CACNA1E: variants seen among roughly 807,000 people sequenced by gnomAD.
The protein encoded by CACNA1E is calcium voltage-gated channel subunit alpha1 E.
Under a neutral mutation model 259.2 loss-of-function variants are expected in CACNA1E, and 40 were observed. The observed-to-expected ratio is 0.15, with a 90% CI of 0.12 to 0.20. The LOEUF (loss-of-function observed/expected upper bound fraction) is 0.20, where lower values mean the gene tolerates loss of function less well. Ranked by LOEUF, CACNA1E falls within the 10% of genes least tolerant of loss-of-function variation. CACNA1E has a pLI of 1.00. For missense variants in CACNA1E, 1,874 were observed against 3,040.1 expected (o/e 0.62, Z 9.02); for synonymous variants, 1,104 against 1,138.5 (o/e 0.97, Z 0.61).
intron 25 of CACNA1E, among the ~76,000 whole-genome samples, chr1:181,746,038 A>G (rs1288092157): frequency 3.3e-5 from 5 of 152,242 alleles, no homozygotes; most frequent in Non-Finnish European, 5.9e-5. Context: ...CACTTAGCAT[A>G]GAGCTAGTGC....
chr1:181,733,591 C>A lies in CACNA1E; in HGVS notation c.3103C>A (p.Leu1035Met), dbSNP rs776704547. The change falls in exon 21 of 48, where the codon CTG becomes ATG. Residue 1035 changes from leucine to methionine, a missense_variant. Physicochemically the swap from Leu to Met is conservative, Grantham distance 15. Coordinates refer to ENST00000367573, the MANE Select transcript of CACNA1E (RefSeq NM_001205293.3). ...AGAAGGCAGCAGTGAGCAGGCCCTG[C>A]TGGGGAATGTGCAGCTAGACATGGG... Reference protein sequence around the residue: ...EPEGSSEQALLGNVQLDMGRV... With the variant: ...EPEGSSEQALMGNVQLDMGRV... 5 of 1,612,932 alleles carry A rather than the reference C, an allele frequency of 3.1e-6. No individual in the cohort carries two copies. In the East Asian group the frequency reaches 1.1e-4, roughly 36 times the overall value.
At chr1:181,571,414 G>A (rs1185683308) in intron 3 of CACNA1E, among the ~76,000 whole-genome samples, 2 of 152,178 alleles carry the variant, frequency 1.3e-5, no homozygotes, top group African/African-American at 2.4e-5. Flanking sequence ...CAAGGGAGAA[G>A]CATTCCAGGT....
chr1:181,710,406 C>A (rs1007319042), intron 7 of CACNA1E, among the ~76,000 whole-genome samples: 3 of 152,082 alleles, frequency 2.0e-5, no homozygotes, highest in Non-Finnish European at 4.4e-5. Flanking sequence ...GGTTCAAATC[C>A]CAGCAAGGCA....
At chr1:181,369,549 C>T (rs980623378) in intron 1 of CACNA1E, among the ~76,000 whole-genome samples, 3 of 152,208 alleles carry the variant, frequency 2.0e-5, no homozygotes, top group Admixed American at 6.5e-5. Context: ...AAGGTGGGGA[C>T]CGCATACCAG....
intron 2 of CACNA1E, among the ~76,000 whole-genome samples, chr1:181,437,679 G>C (rs1301056192): frequency 6.6e-6 from 1 of 152,128 alleles, no homozygotes; most frequent in Admixed American, 6.5e-5. Flanking sequence ...TGCTGTTCTA[G>C]TTTTCCTATT....
At chr1:181,598,936 T>C (rs1306424654) in intron 6 of CACNA1E, among the ~76,000 whole-genome samples, 1 of 152,202 alleles carries the variant, frequency 6.6e-6, no homozygotes, top group African/African-American at 2.4e-5. Flanking sequence ...TGCCATTTTT[T>C]TTTTTTTAAA....
chr1:181,646,814 T>C (rs540266293), intron 6 of CACNA1E, among the ~76,000 whole-genome samples: 5 of 152,314 alleles, frequency 3.3e-5, no homozygotes, highest in East Asian at 1.9e-4. Context: ...ATAATTACCA[T>C]GTGTGCCTGT....
chr1:181,590,492 A>G (rs1652539663), intron 6 of CACNA1E, among the ~76,000 whole-genome samples: 1 of 150,838 alleles, frequency 6.6e-6, no homozygotes, highest in Admixed American at 6.6e-5. Context: ...AATATCTTTG[A>G]TGTTTTGGGA....
chr1:181,670,673 G>A (rs1346172552), intron 7 of CACNA1E, among the ~76,000 whole-genome samples: 1 of 152,140 alleles, frequency 6.6e-6, no homozygotes, highest in Non-Finnish European at 1.5e-5. Context: ...GGCTGAAGCT[G>A]ACCAGACCAA....
chr1:181,590,670 C>A (rs991665051), intron 6 of CACNA1E, among the ~76,000 whole-genome samples: 1 of 152,050 alleles, frequency 6.6e-6, no homozygotes, highest in Non-Finnish European at 1.5e-5. Context: ...CTTCCTCACC[C>A]CAGGAGCTGG....
At chr1:181,789,090 AG>A (rs1661082370) in intron 43 of CACNA1E, among the ~76,000 whole-genome samples, 2 of 152,180 alleles carry the variant, frequency 1.3e-5, no homozygotes, top group African/African-American at 4.8e-5. Context: ...CAGATTCCTG[AG>A]CTCAAGCTAT....
At chr1:181,545,209 G>A (rs1164726454) in intron 3 of CACNA1E, among the ~76,000 whole-genome samples, 1 of 152,198 alleles carries the variant, frequency 6.6e-6, no homozygotes, top group Non-Finnish European at 1.5e-5. Flanking sequence ...AAAACAGGTT[G>A]GGTGGAGCCT....
chr1:181,722,269 A>C (rs1654480254), intron 16 of CACNA1E, among the ~76,000 whole-genome samples: 1 of 152,224 alleles, frequency 6.6e-6, no homozygotes, highest in African/African-American at 2.4e-5. Flanking sequence ...GTAAGATCCC[A>C]AAAAATTAGT....
At chr1:181,652,777 C>A (rs1440950771) in intron 7 of CACNA1E, among the ~76,000 whole-genome samples, 2 of 152,130 alleles carry the variant, frequency 1.3e-5, no homozygotes, top group Non-Finnish European at 2.9e-5. Flanking sequence ...CAACTCCCAT[C>A]CTAGCAAAAG....
At chr1:181,508,073 A>G (rs1422445090) in intron 1 of CACNA1E, among the ~76,000 whole-genome samples, 2 of 152,072 alleles carry the variant, frequency 1.3e-5, no homozygotes, top group Non-Finnish European at 2.9e-5. Flanking sequence ...AACACCGTTC[A>G]AAAGAGATGC....
At chr1:181,673,136 G>A (rs1648976037) in intron 7 of CACNA1E, among the ~76,000 whole-genome samples, 2 of 152,174 alleles carry the variant, frequency 1.3e-5, no homozygotes, top group South Asian at 4.1e-4. Flanking sequence ...CATGTAGAAC[G>A]TACCTCAGCC....
chr1:181,656,905 T>C (rs971128248), intron 7 of CACNA1E, among the ~76,000 whole-genome samples: 12 of 152,216 alleles, frequency 7.9e-5, no homozygotes, highest in Admixed American at 1.3e-4. Flanking sequence ...CTAGGAGCAA[T>C]AGGTTACAGC....
intron 1 of CACNA1E, among the ~76,000 whole-genome samples, chr1:181,347,356 A>C (rs1274579654): frequency 6.6e-6 from 1 of 152,234 alleles, no homozygotes; most frequent in Non-Finnish European, 1.5e-5. Context: ...TGGAAGAATC[A>C]AAATCTGTCT....
chr1:181,685,625 T>C lies in CACNA1E; in HGVS notation c.1056-25329T>C, dbSNP rs112355907. Among the ~76,000 whole-genome samples, 141 of 152,304 alleles carry C rather than the reference T, an allele frequency of 9.3e-4. 1 individual carries two copies. Among genetic ancestry groups the C allele is most frequent in the African/African-American group, 3.3e-3 (139 of 41,548 alleles). On this transcript the variant is annotated intron_variant, in intron 7 of 47. Coordinates refer to ENST00000367573, the MANE Select transcript of CACNA1E (RefSeq NM_001205293.3). ...TCTTAAACCCATTTCTGGAAGATGT[T>C]CTCAGTCCTGGTCTCACCTATTCAA...
Sources: allele counts gnomAD v4.1 joint callset (sites outside exome capture counted in the v4.1 genomes callset), GRCh38; gene constraint gnomAD v4.1.1; transcripts MANE v1.5; gene names NCBI Gene and HGNC (gene_info 2026-07-23, HGNC 2026-07-21).